CAT: variants seen among roughly 807,000 people sequenced by gnomAD.
CAT encodes the protein epididymis secretory sperm binding protein.
In CAT, 43 loss-of-function variants were observed where a neutral mutation model predicts 59.0. That is an observed-to-expected ratio of 0.73 (90% CI 0.57 to 0.94). The LOEUF (loss-of-function observed/expected upper bound fraction) is 0.94. Among genes scored for constraint, CAT ranks in the 40% least tolerant of loss-of-function variants. The pLI is 0.00. For missense variants in CAT, 664 were observed against 682.9 expected, an observed-to-expected ratio of 0.97 and a Z score of 0.31; for synonymous variants, 218 against 230.9, an observed-to-expected ratio of 0.94 and a Z score of 0.51.
chr11:34,452,268 G>T, intron 4 of CAT, 61 bp downstream of exon 4: 1 of 1,535,798 alleles, frequency 6.5e-7, no homozygotes, highest in Non-Finnish European at 9.0e-7. Context: ...ATTTCAAATA[G>T]GTTGGCATTT....
Position 34,468,395 on chromosome 11 carries a change from G to T in CAT, c.1434G>T (p.Ala478=). ...KDAQIFIQKK[A]VKNFTEVHPD... ...CACAAATTTTCATCCAGAAGAAAGC[G>T]GTGAGTCTTTGTAAGCTGAAGGGTG... is the stretch of plus-strand genomic sequence containing the variant. The change falls in exon 11 of 13, where the codon GCG becomes GCT. Residue 478 remains alanine, a splice_region_variant and synonymous_variant. Transcript: ENST00000241052. 1 of 1,609,996 alleles carries T rather than the reference G, an allele frequency of 6.2e-7. No individual in the cohort carries two copies. Among genetic ancestry groups the T allele is most frequent in the Non-Finnish European group, 8.5e-7 (1 of 1,176,278 alleles).
At chr11:34,443,183 T>C (rs1856412250) in intron 1 of CAT, among the ~76,000 whole-genome samples, 1 of 152,238 alleles carries the variant, frequency 6.6e-6, no homozygotes, top group Non-Finnish European at 1.5e-5. Flanking sequence ...GATGCTTTAC[T>C]GATCTAGGAG....
chr11:34,464,892 T>G (rs1322674480), intron 10 of CAT, among the ~76,000 whole-genome samples: 2 of 152,074 alleles, frequency 1.3e-5, no homozygotes, highest in Non-Finnish European at 2.9e-5. Flanking sequence ...TGTCTATCTC[T>G]AGATTCTAGA....
At position 34,470,776 on chromosome 11, in the gene CAT, C is replaced by G. The variant is rs779421888; in HGVS notation, c.1435-182C>G. The G allele has an allele frequency of 1.4e-5, 10 of 693,898 alleles. No homozygotes were observed. In the East Asian group the frequency reaches 1.9e-4, roughly 13 times the overall value. 43.0% of individuals were successfully genotyped at this position (693,898 alleles called of 1,614,324 possible). ...CCGAGGTTGCTCAGCCAGTATATGTCAGAGTGTTCACTGGACCTGCATCTT... is the reference window on the plus strand; with the variant it reads ...CCGAGGTTGCTCAGCCAGTATATGTGAGAGTGTTCACTGGACCTGCATCTT... On this transcript the variant is annotated intron_variant, in intron 11 of 12. Coordinates refer to ENST00000241052, the MANE Select transcript of CAT (RefSeq NM_001752.4).
rs557973663 is a variant in CAT, at chr11:34,439,006, C to T, written c.-8C>T. The T allele has an allele frequency of 3.8e-5, 60 of 1,586,396 alleles. 1 individual carries two copies. The South Asian group carries it at 6.5e-4, about 17-fold the overall frequency. On this transcript the variant is annotated 5_prime_UTR_variant, in exon 1 of 13. Coordinates refer to ENST00000241052, the MANE Select transcript of CAT (RefSeq NM_001752.4). ...TCCTGCAGTGTTCTGCACAGCAAAC[C>T]GCACGCTATGGCTGACAGCCGGGAT...
At chr11:34,449,496 G>A in intron 2 of CAT, 133 bp downstream of exon 2, 4 of 707,914 alleles carry the variant, frequency 5.7e-6, no homozygotes, top group East Asian at 5.1e-5. Context: ...AAAACATCCA[G>A]CAGTAGGGAA....
chr11:34,457,985 T>A (rs1231647680), intron 8 of CAT, among the ~76,000 whole-genome samples: 1 of 152,270 alleles, frequency 6.6e-6, no homozygotes, highest in East Asian at 1.9e-4. Context: ...TCATTAGTTT[T>A]TAGTCCAATT....
chr11:34,453,230 T>C (rs1264631597), intron 5 of CAT, 36 bp downstream of exon 5: 1 of 1,193,514 alleles, frequency 8.4e-7, no homozygotes, highest in Non-Finnish European at 1.3e-6. Flanking sequence ...TTATATCACC[T>C]GGGATGCAGT....
chr11:34,442,209 TATTA>T (rs1856398940), intron 1 of CAT, among the ~76,000 whole-genome samples: 2 of 152,250 alleles, frequency 1.3e-5, no homozygotes, highest in Admixed American at 6.5e-5. Flanking sequence ...GCTTTTAAAT[TATTA>T]ATTCATAGCC....
At chr11:34,465,815 G>A (rs772080614) in intron 10 of CAT, among the ~76,000 whole-genome samples, 10 of 152,104 alleles carry the variant, frequency 6.6e-5, no homozygotes, top group Admixed American at 2.0e-4. Context: ...GGAGAACATT[G>A]AAAAGGTAGG....
intron 1 of CAT, among the ~76,000 whole-genome samples, chr11:34,445,763 T>C (rs1346580465): frequency 1.3e-5 from 2 of 152,212 alleles, no homozygotes; most frequent in African/African-American, 4.8e-5. Context: ...TTAAAAATAT[T>C]CTGGCTCTAA....
intron 8 of CAT, among the ~76,000 whole-genome samples, chr11:34,457,141 C>A (rs989329439): frequency 6.8e-6 from 1 of 146,888 alleles, no homozygotes; most frequent in Non-Finnish European, 1.5e-5. Flanking sequence ...TTTGTTCTGT[C>A]TGTAGCTGAA....
At position 34,456,167 on chromosome 11, in the gene CAT, G is replaced by A; in HGVS notation, c.868G>A (p.Glu290Lys). 1 of 1,614,088 alleles carries A rather than the reference G, an allele frequency of 6.2e-7. No individual in the cohort carries two copies. Among genetic ancestry groups the A allele is most frequent in the Non-Finnish European group, 8.5e-7 (1 of 1,179,996 alleles). Residue 290 changes from glutamate to lysine, a missense_variant, in exon 7 of 13, where the codon GAA becomes AAA. Transcript: ENST00000241052. ...YIQVMTFNQA[E>K]TFPFNPFDLT... Reference sequence around the variant, plus strand: ...CCAGGTCATGACATTTAATCAGGCAGAAACTTTTCCATTTAATCCATTCGA... The same window carrying A: ...CCAGGTCATGACATTTAATCAGGCAAAAACTTTTCCATTTAATCCATTCGA...
intron 8 of CAT, chr11:34,460,757 G>A (rs1489607358): frequency 4.1e-6 from 1 of 241,410 alleles, no homozygotes; most frequent in Non-Finnish European, 8.1e-6. Context: ...TGCCCAGTTG[G>A]AAGTGCTTAT....
At chr11:34,443,522 T>G (rs1856415373) in intron 1 of CAT, among the ~76,000 whole-genome samples, 1 of 152,088 alleles carries the variant, frequency 6.6e-6, no homozygotes, top group South Asian at 2.1e-4. Context: ...GCTCACTGCT[T>G]AGAATGCCAT....
intron 11 of CAT, among the ~76,000 whole-genome samples, chr11:34,469,143 T>A (rs1019540141): frequency 2.0e-5 from 3 of 152,166 alleles, no homozygotes; most frequent in African/African-American, 7.2e-5. Context: ...GTCCCAGAGC[T>A]AAGCTTTTTG....
chr11:34,451,426 T>C (rs1018748192), intron 3 of CAT, among the ~76,000 whole-genome samples: 5 of 152,348 alleles, frequency 3.3e-5, no homozygotes, highest in African/African-American at 1.2e-4. Context: ...TGACCTTTAT[T>C]GAGAATTAAT....
At chr11:34,439,408 A>G (rs1277579994) in intron 1 of CAT, among the ~76,000 whole-genome samples, 1 of 152,150 alleles carries the variant, frequency 6.6e-6, no homozygotes. Context: ...AGAGAGCTGC[A>G]GCTGCAAGGA....
chr11:34,450,265 G>A (rs1590301271), intron 2 of CAT, among the ~76,000 whole-genome samples: 2 of 152,204 alleles, frequency 1.3e-5, no homozygotes, highest in African/African-American at 4.8e-5. Context: ...TTACTGGAAT[G>A]AGCTGCAAAA....
Sources: allele counts gnomAD v4.1 joint callset (sites outside exome capture counted in the v4.1 genomes callset), GRCh38; gene constraint gnomAD v4.1.1; transcripts MANE v1.5; gene names NCBI Gene and HGNC (gene_info 2026-07-23, HGNC 2026-07-21).